Variants in GNB1 observed in about 807,000 individuals in gnomAD.
GNB1 encodes the protein G protein subunit beta 1, also known as guanine nucleotide-binding protein G(I)/G(S)/G(T) subunit beta-1.
Under a neutral mutation model 42.9 loss-of-function variants are expected in GNB1, and 2 were observed. That is an observed-to-expected ratio of 0.05 (90% CI 0.02 to 0.15). The LOEUF (loss-of-function observed/expected upper bound fraction) is 0.15, where lower values mean the gene tolerates loss of function less well. Ranked by LOEUF, GNB1 falls within the 10% of genes least tolerant of loss-of-function variation. The pLI is 1.00. For synonymous variants in GNB1, 183 were observed against 174.7 expected (o/e 1.05, Z -0.38); for missense variants, 193 against 462.2 (o/e 0.42, Z 5.34).
intron 5 of GNB1, among the ~76,000 whole-genome samples, chr1:1,810,300 C>G (rs1205402906): frequency 2.0e-5 from 3 of 151,270 alleles, no homozygotes; most frequent in Non-Finnish European, 4.4e-5. Flanking sequence ...CTCCTGACCT[C>G]GTGATCCGCC....
chr1:1,858,323 T>C (rs1366550871), intron 1 of GNB1, among the ~76,000 whole-genome samples: 1 of 152,222 alleles, frequency 6.6e-6, no homozygotes, highest in African/African-American at 2.4e-5. Flanking sequence ...ACAGACTGTC[T>C]TCTAAAAGTC....
chr1:1,795,338 C>T (rs1041731243), intron 7 of GNB1, among the ~76,000 whole-genome samples: 18 of 152,150 alleles, frequency 1.2e-4, no homozygotes, highest in Admixed American at 8.5e-4. Flanking sequence ...ACCAGGCCAC[C>T]GAGCCTTGTA....
Position 1,790,835 on chromosome 1 carries a change from G to A in GNB1, c.498-239C>T, listed in dbSNP as rs1312660959. ...CAGGGCCTGGGCTTCAGAATGACGG[G>A]ATCGCTACCTCAACTCAAATGCCAG... On this transcript the variant is annotated intron_variant, in intron 8 of 11. Transcript: ENST00000378609. The surrounding 1 kb of genome is among the most constrained non-coding windows in gnomAD (Gnocchi z 5.4). 6.6e-6 allele frequency among the ~76,000 whole-genome samples: 1 copy of A among 152,224 alleles called. No homozygotes were observed. The highest frequency in any genetic ancestry group is 6.5e-5 in the Admixed American group (1 of 15,282).
intron 1 of GNB1, among the ~76,000 whole-genome samples, chr1:1,843,525 C>G (rs1216221022): frequency 6.6e-6 from 1 of 152,172 alleles, no homozygotes; most frequent in African/African-American, 2.4e-5. Flanking sequence ...CCGCACCCAG[C>G]TGCTCTATTT....
At chr1:1,795,184 G>C (rs1385925878) in intron 7 of GNB1, among the ~76,000 whole-genome samples, 1 of 152,136 alleles carries the variant, frequency 6.6e-6, no homozygotes, top group East Asian at 1.9e-4. Flanking sequence ...GGCGCCCCCT[G>C]TAGTGCCCTG....
At chr1:1,864,536 G>C (rs1648817615) in intron 1 of GNB1, among the ~76,000 whole-genome samples, 1 of 151,974 alleles carries the variant, frequency 6.6e-6, no homozygotes, top group South Asian at 2.1e-4. Context: ...CACCTGGCCT[G>C]TAGGTTAACT....
intron 1 of GNB1, among the ~76,000 whole-genome samples, chr1:1,885,897 T>C (rs1197305911): frequency 6.8e-6 from 1 of 146,014 alleles, no homozygotes; most frequent in South Asian, 2.1e-4. Flanking sequence ...GCAAGCAACA[T>C]TGCTCTATAA....
At chr1:1,871,248 C>T (rs1303034834) in intron 1 of GNB1, among the ~76,000 whole-genome samples, 2 of 151,914 alleles carry the variant, frequency 1.3e-5, no homozygotes, top group Non-Finnish European at 2.9e-5. Flanking sequence ...TCACTTAAGG[C>T]CAGGAGTTAG....
intron 1 of GNB1, among the ~76,000 whole-genome samples, chr1:1,877,330 T>TATAC (rs1467544343): frequency 3.6e-5 from 5 of 138,950 alleles, no homozygotes; most frequent in African/African-American, 7.7e-5. Flanking sequence ...TATATATATA[T>TATAC]ACACACACAC....
At chr1:1,873,347 T>C (rs533069426) in intron 1 of GNB1, among the ~76,000 whole-genome samples, 3 of 152,356 alleles carry the variant, frequency 2.0e-5, no homozygotes, top group African/African-American at 7.2e-5. Context: ...AGCTAGACTG[T>C]TGGAGAGGCA....
At chr1:1,835,914 T>TAAAAAAATAAA (rs1647140918) in intron 2 of GNB1, among the ~76,000 whole-genome samples, 1 of 24,226 alleles carries the variant, frequency 4.1e-5, no homozygotes. Flanking sequence ...TTACAAGAAT[T>TAAAAAAATAAA]AAAAAAAGAA....
chr1:1,805,810 G>A (rs1166011118), intron 6 of GNB1, among the ~76,000 whole-genome samples: 3 of 152,042 alleles, frequency 2.0e-5, no homozygotes, highest in African/African-American at 7.2e-5. Context: ...CCAAAATGCT[G>A]GAATTACAGG....
chr1:1,852,944 T>C (rs1648071649), intron 1 of GNB1, among the ~76,000 whole-genome samples: 1 of 152,170 alleles, frequency 6.6e-6, no homozygotes, highest in African/African-American at 2.4e-5. Context: ...CCCCAGTTCC[T>C]AGAAAGCTCT....
At chr1:1,886,242 C>A (rs1463029682) in intron 1 of GNB1, among the ~76,000 whole-genome samples, 1 of 152,080 alleles carries the variant, frequency 6.6e-6, no homozygotes, top group Non-Finnish European at 1.5e-5. Flanking sequence ...CACTTGAACC[C>A]GTGAGATGGT....
intron 1 of GNB1, among the ~76,000 whole-genome samples, chr1:1,842,634 CAT>C (rs1192148649): frequency 1.3e-5 from 2 of 152,160 alleles, no homozygotes; most frequent in Admixed American, 6.5e-5. Flanking sequence ...TGTGCATGCA[CAT>C]GTGTGTGCAG....
chr1:1,866,811 G>A (rs1648967893), intron 1 of GNB1, among the ~76,000 whole-genome samples: 2 of 151,840 alleles, frequency 1.3e-5, no homozygotes, highest in African/African-American at 4.8e-5. Context: ...AAAATTAGCT[G>A]GGTGTGTTGG....
intron 1 of GNB1, among the ~76,000 whole-genome samples, chr1:1,849,185 C>T (rs1263392793): frequency 1.3e-5 from 2 of 152,116 alleles, no homozygotes; most frequent in Non-Finnish European, 2.9e-5. Context: ...TCATTGACCC[C>T]GATTTGTCAG....
chr1:1,853,891 A>G (rs955497123), intron 1 of GNB1, among the ~76,000 whole-genome samples: 1 of 152,176 alleles, frequency 6.6e-6, no homozygotes, highest in Non-Finnish European at 1.5e-5. Flanking sequence ...GTCATATTAT[A>G]TAACAACATG....
At chr1:1,858,232 G>C (rs1648412252) in intron 1 of GNB1, among the ~76,000 whole-genome samples, 1 of 152,156 alleles carries the variant, frequency 6.6e-6, no homozygotes, top group Admixed American at 6.5e-5. Flanking sequence ...CAGAATCATG[G>C]AACATCCAAT....
Sources: allele counts gnomAD v4.1 joint callset (sites outside exome capture counted in the v4.1 genomes callset), GRCh38; gene constraint gnomAD v4.1.1; non-coding constraint Gnocchi (gnomAD v3.1); transcripts MANE v1.5; gene names NCBI Gene and HGNC (gene_info 2026-07-23, HGNC 2026-07-21).